The following ADRA1A variants were observed in gnomAD, a reference collection of about 807,000 sequenced individuals.
The protein encoded by ADRA1A is adrenoceptor alpha 1A, also known as alpha-1A adrenergic receptor.
A neutral mutation model predicts 29.6 loss-of-function variants in ADRA1A; 31 were observed. That is an observed-to-expected ratio of 1.05 (90% CI 0.79 to 1.41). The LOEUF (loss-of-function observed/expected upper bound fraction) is 1.41, where lower values mean the gene tolerates loss of function less well. Among genes scored for constraint, ADRA1A ranks in the 40% most tolerant of loss-of-function variants. The pLI, the probability that ADRA1A is intolerant of heterozygous loss-of-function variation, is 0.00. For missense variants in ADRA1A, 619 were observed against 601.1 expected, an observed-to-expected ratio of 1.03 and a Z score of -0.31; for synonymous variants, 311 against 254.3, an observed-to-expected ratio of 1.22 and a Z score of -2.12.
intron 2 of ADRA1A, among the ~76,000 whole-genome samples, chr8:26,780,318 A>G (rs1337656288): frequency 6.6e-6 from 1 of 152,106 alleles, no homozygotes; most frequent in Non-Finnish European, 1.5e-5. Context: ...TGTTGTTCCA[A>G]CAAAGGAATT....
chr8:26,756,988 C>A, intron 2 of ADRA1A: 1 of 745,276 alleles, frequency 1.3e-6, no homozygotes, highest in South Asian at 1.5e-5. Context: ...CCAGGCTGGT[C>A]ACATTCTGCT....
downstream of ADRA1A, among the ~76,000 whole-genome samples, chr8:26,761,507 C>T (rs1334599749): frequency 2.0e-5 from 3 of 152,062 alleles, no homozygotes; most frequent in Non-Finnish European, 2.9e-5. Flanking sequence ...AACCGGTGTC[C>T]TTATAAGAAG....
In ADRA1A at chr8:26,815,117, G is replaced by A. The variant is rs1035086340; in HGVS notation, c.884-44451C>T. Among the ~76,000 whole-genome samples, 2 of 152,146 alleles carry A rather than the reference G, an allele frequency of 1.3e-5. No individual in the cohort carries two copies. The highest frequency in any genetic ancestry group is 4.8e-5 in the African/African-American group (2 of 41,426). On this transcript the variant is annotated intron_variant, in intron 2 of 2. Transcript: ENST00000380573. The surrounding 1 kb of genome is among the most constrained non-coding windows in gnomAD (Gnocchi z 4.2). ...ATTGGTCAATATAATTTAGACGCAT[G>A]GGCCAAAGTATCAAAAATTTCCACT...
At chr8:26,757,651 C>T (rs1805264532) in intron 2 of ADRA1A, among the ~76,000 whole-genome samples, 1 of 152,130 alleles carries the variant, frequency 6.6e-6, no homozygotes, top group African/African-American at 2.4e-5. Flanking sequence ...CTTCAATTTG[C>T]AGTGAAGTCA....
In ADRA1A at chr8:26,825,483, T is replaced by C. The variant is rs1470272852; in HGVS notation, c.883+38604A>G. 6.6e-6 allele frequency among the ~76,000 whole-genome samples: 1 copy of C among 152,152 alleles called. No homozygotes were observed. Among genetic ancestry groups the C allele is most frequent in the Non-Finnish European group, 1.5e-5 (1 of 68,020 alleles). ...GGGGACCAGGAACACTTTTCACTGG[T>C]CATCGTGGGGCTTCTCATCCCCTAA... On this transcript the variant is annotated intron_variant, in intron 2 of 2. Coordinates refer to ENST00000380573, the MANE Select transcript of ADRA1A (RefSeq NM_000680.4). The surrounding 1 kb of genome is among the most constrained non-coding windows in gnomAD (Gnocchi z 5.7).
rs547912558 is a variant in ADRA1A at position 26,796,145 on chromosome 8, G to T, written c.884-25479C>A. 3.6e-4 allele frequency among the ~76,000 whole-genome samples: 55 copies of T among 152,162 alleles called. 1 individual carries two copies. Among genetic ancestry groups the T allele is most frequent in the Admixed American group, 1.2e-3 (18 of 15,286 alleles). On this transcript the variant is annotated intron_variant, in intron 2 of 2. Transcript: ENST00000380573. The surrounding 1 kb of genome is among the most constrained non-coding windows in gnomAD (Gnocchi z 5.0). ...ATGCTCTCTAGAATTTGCTTCCAAA[G>T]AACCTGAGTGGAGTGAGAAATCTGA...
At chr8:26,827,168 T>A (rs1305558492) in intron 2 of ADRA1A, among the ~76,000 whole-genome samples, 1 of 152,224 alleles carries the variant, frequency 6.6e-6, no homozygotes, top group African/African-American at 2.4e-5. Context: ...TTTATTATTA[T>A]GACAATACAA....
At chr8:26,807,649 G>C (rs562097477) in intron 2 of ADRA1A, among the ~76,000 whole-genome samples, 1 of 152,284 alleles carries the variant, frequency 6.6e-6, no homozygotes, top group East Asian at 1.9e-4. Context: ...AAGAATGAGT[G>C]AAGATTTGGA....
Position 26,748,607 on chromosome 8 carries a change from C to T in ADRA1A, c.1411G>A (p.Ala471Thr), listed in dbSNP as rs990278704. ...TACAAAAATTAGCTGGGCCTGGTGG[C>T]GTCGGCCTGGTGGCACATCCCTGTA... Residue 471 changes from alanine to threonine, a missense_variant, in exon 3 of 3, where the codon GCC becomes ACC. Ala to Thr is a moderately conservative substitution (Grantham distance 58, BLOSUM62 0). Coordinates refer to the ADRA1A transcript ENST00000380586. The T allele has an allele frequency of 4.0e-5, 17 of 422,024 alleles. 1 individual carries two copies. Among genetic ancestry groups the T allele is most frequent in the African/African-American group, 1.5e-4 (7 of 47,652 alleles). 26.1% of individuals were successfully genotyped at this position (422,024 alleles called of 1,614,324 possible). A position where few individuals can be genotyped will look rare whatever the true frequency, so the allele number is the denominator to read the frequency against.
chr8:26,779,305 CTT>C lies in ADRA1A; in HGVS notation c.884-8641_884-8640del, dbSNP rs1563246053. On this transcript the variant is annotated intron_variant, in intron 2 of 2. Transcript: ENST00000380573. ...ACTGGTCACCAAACCCCACAGGTGT[CTT>C]TCCTTGAAACACCTTCCAAATTTTC... The C allele has an allele frequency of 1.1e-5, 8 of 702,802 alleles. No homozygotes were observed. The South Asian group carries it at 1.2e-4, about 10-fold the overall frequency. The allele number at this position is 702,802 out of a possible 1,614,324, so 43.5% of individuals were successfully genotyped here.
In ADRA1A at chr8:26,821,506, C is replaced by G. The variant is rs960641576; in HGVS notation, c.883+42581G>C. On this transcript the variant is annotated intron_variant, in intron 2 of 2. Coordinates refer to ENST00000380573, the MANE Select transcript of ADRA1A (RefSeq NM_000680.4). The surrounding 1 kb of genome is among the most constrained non-coding windows in gnomAD (Gnocchi z 5.6). ...GTTAAGCCATTCATGAGGAAGCCAA[C>G]TCCCTGATCCAATCACCTCCCACCA... 3.9e-5 allele frequency among the ~76,000 whole-genome samples: 6 copies of G among 152,160 alleles called. No homozygotes were observed. Among genetic ancestry groups the G allele is most frequent in the African/African-American group, 1.4e-4 (6 of 41,442 alleles).
At position 26,775,598 on chromosome 8, in the gene ADRA1A, C is replaced by T. The variant is rs751643700; in HGVS notation, c.884-4932G>A. On this transcript the variant is annotated intron_variant, in intron 2 of 2. Coordinates refer to ENST00000380573, the MANE Select transcript of ADRA1A (RefSeq NM_000680.4). This position sits in a 1 kb window ranked among gnomAD's most constrained non-coding sequence, Gnocchi z 4.1. ...AGCCAACAGCTCCTGACTTAATCCC[C>T]TGAACACCTTGCCCTGCAGCTCAAG... Among the ~76,000 whole-genome samples, 9 of 152,190 alleles carry T rather than the reference C, an allele frequency of 5.9e-5. No individual in the cohort carries two copies. The highest frequency in any genetic ancestry group is 8.8e-5 in the Non-Finnish European group (6 of 68,034).
rs61761854 is a variant in ADRA1A, at chr8:26,840,126, T to G, written c.883+23961A>C. 9.4e-3 allele frequency among the ~76,000 whole-genome samples: 1,430 copies of G among 152,318 alleles called. 26 individuals are homozygous for G. The highest frequency in any genetic ancestry group is 0.033 in the African/African-American group (1,365 of 41,580). ...ACACTATTGCTCAAGAACATTCGAATGGATGCAACATTTGTAAATTAAAAG... is the reference window on the plus strand; with the variant it reads ...ACACTATTGCTCAAGAACATTCGAAGGGATGCAACATTTGTAAATTAAAAG... On this transcript the variant is annotated intron_variant, in intron 2 of 2. Transcript: ENST00000380573.
chr8:26,772,492 G>T (rs868535057), intron 2 of ADRA1A, among the ~76,000 whole-genome samples: 4 of 152,176 alleles, frequency 2.6e-5, no homozygotes, highest in Non-Finnish European at 5.9e-5. Flanking sequence ...GAATGGCTTT[G>T]GGAAACTCCT....
intron 2 of ADRA1A, among the ~76,000 whole-genome samples, chr8:26,778,097 G>C (rs1201702125): frequency 6.6e-6 from 1 of 152,212 alleles, no homozygotes; most frequent in Admixed American, 6.5e-5. Flanking sequence ...ATGAGTCTGA[G>C]CTGCTGGAAT....
At chr8:26,816,784 A>G (rs1809799417) in intron 2 of ADRA1A, among the ~76,000 whole-genome samples, 1 of 152,212 alleles carries the variant, frequency 6.6e-6, no homozygotes, top group African/African-American at 2.4e-5. Flanking sequence ...AAAGCGGAAT[A>G]TGGAGAAGAC....
downstream of ADRA1A, chr8:26,765,960 C>CTTATGAAAAGAAA (rs1554490552): frequency 1.9e-6 from 3 of 1,554,954 alleles, no homozygotes; most frequent in East Asian, 4.6e-5. Context: ...CCAGTTTTCA[C>CTTATGAAAAGAAA]TTAGGAACAA....
At chr8:26,844,826 G>A (rs2130715678) in intron 2 of ADRA1A, among the ~76,000 whole-genome samples, 1 of 152,284 alleles carries the variant, frequency 6.6e-6, no homozygotes, top group Admixed American at 6.5e-5. Flanking sequence ...AACTTTGTCA[G>A]GGGTGTTCAA....
chr8:26,777,868 T>C (rs780782179), intron 2 of ADRA1A, among the ~76,000 whole-genome samples: 42 of 152,186 alleles, frequency 2.8e-4, no homozygotes, highest in Admixed American at 2.6e-4. Context: ...CTGCCCAGTG[T>C]GGGATGGAAG....
Sources: gnomAD v4.1 joint callset for allele counts (sites outside exome capture counted in the v4.1 genomes callset) on GRCh38, gnomAD v4.1.1 for gene constraint, Gnocchi (gnomAD v3.1) non-coding constraint, MANE v1.5 for transcripts, NCBI Gene and HGNC (gene_info 2026-07-23, HGNC 2026-07-21) for gene names.